MDGA2: variants seen among roughly 807,000 people sequenced by gnomAD.
MDGA2 encodes MAM domain containing glycosylphosphatidylinositol anchor 2, also known as MAM domain-containing glycosylphosphatidylinositol anchor protein 2.
In MDGA2, 40 loss-of-function variants were observed where a neutral mutation model predicts 117.8. The observed-to-expected ratio is 0.34, with a 90% CI of 0.26 to 0.44. MDGA2 has a LOEUF of 0.44. Ranked by LOEUF, MDGA2 falls within the 20% of genes least tolerant of loss-of-function variation. MDGA2 has a pLI of 1.00. For synonymous variants in MDGA2, 452 were observed against 439.0 expected, an observed-to-expected ratio of 1.03 and a Z score of -0.37; for missense variants, 1,123 against 1,250.6, an observed-to-expected ratio of 0.90 and a Z score of 1.54.
intron 1 of MDGA2, among the ~76,000 whole-genome samples, chr14:47,634,626 T>A (rs1897294694): frequency 6.6e-6 from 1 of 152,154 alleles, no homozygotes; most frequent in Non-Finnish European, 1.5e-5. Flanking sequence ...TACATTTTTT[T>A]AAATAAAATG....
chr14:47,449,146 G>C (rs557547113), intron 1 of MDGA2, among the ~76,000 whole-genome samples: 7 of 152,272 alleles, frequency 4.6e-5, no homozygotes, highest in African/African-American at 1.7e-4. Context: ...TCCTGCAACA[G>C]TAGTCCAGCA....
chr14:46,931,655 G>A (rs914401383), intron 9 of MDGA2, among the ~76,000 whole-genome samples: 8 of 151,082 alleles, frequency 5.3e-5, no homozygotes, highest in Non-Finnish European at 8.8e-5. Context: ...CCTGAGTAGC[G>A]GGGACTAGAG....
chr14:47,505,172 AAACAGAGAGTAG>A (rs1894485152), intron 1 of MDGA2, among the ~76,000 whole-genome samples: 1 of 151,614 alleles, frequency 6.6e-6, no homozygotes, highest in Non-Finnish European at 1.5e-5. Flanking sequence ...GACATCACAG[AAACAGAGAGTAG>A]AACAGTGGTT....
intron 1 of MDGA2, among the ~76,000 whole-genome samples, chr14:47,503,604 C>T (rs1362850061): frequency 4.6e-5 from 7 of 152,018 alleles, no homozygotes; most frequent in African/African-American, 1.7e-4. Context: ...CAGGGTTTCA[C>T]CGTGTTAGCC....
At chr14:47,536,091 A>G (rs1270622642) in intron 1 of MDGA2, among the ~76,000 whole-genome samples, 1 of 152,196 alleles carries the variant, frequency 6.6e-6, no homozygotes. Flanking sequence ...GATCCAACCA[A>G]GTAACATGGC....
chr14:46,919,537 G>A (rs1391467144), intron 10 of MDGA2, among the ~76,000 whole-genome samples: 1 of 152,090 alleles, frequency 6.6e-6, no homozygotes. Flanking sequence ...TTTTACAAAA[G>A]TATTTCTATT....
At chr14:46,864,021 C>T (rs971859828) in intron 14 of MDGA2, among the ~76,000 whole-genome samples, 17 of 151,912 alleles carry the variant, frequency 1.1e-4, no homozygotes, top group Non-Finnish European at 2.4e-4. Context: ...CCCACTAACT[C>T]GTCATCTAGC....
At chr14:47,030,295 A>C (rs753348179) in intron 8 of MDGA2, among the ~76,000 whole-genome samples, 18 of 151,972 alleles carry the variant, frequency 1.2e-4, no homozygotes, top group African/African-American at 2.9e-4. Flanking sequence ...TTGGTGGATC[A>C]CCTGAGGTCA....
chr14:47,448,745 T>C (rs1020337126), intron 1 of MDGA2, among the ~76,000 whole-genome samples: 3 of 152,120 alleles, frequency 2.0e-5, no homozygotes, highest in Non-Finnish European at 2.9e-5. Context: ...AAGAAAGAGA[T>C]TGCAGGAAAC....
At chr14:47,347,997 G>A (rs915920242) in intron 1 of MDGA2, among the ~76,000 whole-genome samples, 13 of 152,130 alleles carry the variant, frequency 8.5e-5, no homozygotes, top group African/African-American at 1.9e-4. Flanking sequence ...TTTAGGTGGA[G>A]AAGGCCGACT....
intron 7 of MDGA2, among the ~76,000 whole-genome samples, chr14:47,036,534 T>C (rs990192582): frequency 1.3e-5 from 2 of 152,180 alleles, no homozygotes; most frequent in Non-Finnish European, 2.9e-5. Context: ...AATGCATTTG[T>C]GCAGTAGAAC....
In MDGA2 at chr14:47,343,176, C is replaced by G. The variant is rs1594807876; in HGVS notation, c.281-41626G>C. 3 of 1,143,876 alleles carry G rather than the reference C, an allele frequency of 2.6e-6. No homozygotes were observed. The Admixed American group carries it at 1.3e-4, about 51-fold the overall frequency. 70.9% of individuals were successfully genotyped at this position (1,143,876 alleles called of 1,614,324 possible). On this transcript the variant is annotated intron_variant, in intron 1 of 16. Coordinates refer to ENST00000399232, the MANE Select transcript of MDGA2 (RefSeq NM_001113498.3). ...TGAGGACTAATTTCCACTTATCATTCTGGTACAGGCTCAAGCTATTAAAAG... is the reference window on the plus strand; with the variant it reads ...TGAGGACTAATTTCCACTTATCATTGTGGTACAGGCTCAAGCTATTAAAAG...
chr14:47,461,636 T>G (rs1385717992), intron 1 of MDGA2, among the ~76,000 whole-genome samples: 3 of 151,674 alleles, frequency 2.0e-5, no homozygotes, highest in African/African-American at 4.8e-5. Context: ...GTAAAGATTG[T>G]GGATTACAGA....
intron 1 of MDGA2, among the ~76,000 whole-genome samples, chr14:47,589,308 T>C (rs1896392045): frequency 6.6e-6 from 1 of 152,106 alleles, no homozygotes; most frequent in East Asian, 1.9e-4. Context: ...AGTTGTATAG[T>C]TTTAGTTCTT....
intron 5 of MDGA2, among the ~76,000 whole-genome samples, chr14:47,105,316 C>T (rs1880591983): frequency 1.3e-5 from 2 of 152,010 alleles, no homozygotes; most frequent in African/African-American, 2.4e-5. Flanking sequence ...TCTCTGTGCC[C>T]CAATCCCTTA....
chr14:47,536,321 A>G (rs1476125579), intron 1 of MDGA2, among the ~76,000 whole-genome samples: 4 of 152,242 alleles, frequency 2.6e-5, no homozygotes, highest in Non-Finnish European at 4.4e-5. Context: ...TGGTGGTTGT[A>G]TATTTATAGA....
intron 9 of MDGA2, among the ~76,000 whole-genome samples, chr14:46,954,040 G>A (rs1464087635): frequency 6.6e-6 from 1 of 152,014 alleles, no homozygotes; most frequent in African/African-American, 2.4e-5. Flanking sequence ...ACATTTCAAT[G>A]TTGAAGCATC....
chr14:46,965,620 C>A (rs1285326030), intron 8 of MDGA2, among the ~76,000 whole-genome samples: 1 of 152,264 alleles, frequency 6.6e-6, no homozygotes, highest in African/African-American at 2.4e-5. Context: ...TGGAAAATTT[C>A]TCCTGATAGA....
intron 1 of MDGA2, among the ~76,000 whole-genome samples, chr14:47,593,599 C>A (rs1896482371): frequency 6.6e-6 from 1 of 152,072 alleles, no homozygotes; most frequent in African/African-American, 2.4e-5. Flanking sequence ...GAGTTGGAAG[C>A]CATTATTCTC....
Sources: allele counts gnomAD v4.1 joint callset (sites outside exome capture counted in the v4.1 genomes callset), GRCh38; gene constraint gnomAD v4.1.1; transcripts MANE v1.5; gene names NCBI Gene and HGNC (gene_info 2026-07-23, HGNC 2026-07-21).